The following KYAT3 variants were observed in gnomAD, a reference collection of about 807,000 sequenced individuals.
KYAT3 encodes the protein kynurenine aminotransferase 3, also known as kynurenine--oxoglutarate transaminase 3.
Under a neutral mutation model 59.0 loss-of-function variants are expected in KYAT3, and 50 were observed. The observed-to-expected ratio is 0.85, with a 90% CI of 0.68 to 1.07. The LOEUF (loss-of-function observed/expected upper bound fraction) is 1.07, where lower values mean the gene tolerates loss of function less well. Among genes scored for constraint, KYAT3 ranks in the 50% least tolerant of loss-of-function variants. The pLI is 0.00. For synonymous variants in KYAT3, 148 were observed against 177.0 expected, an observed-to-expected ratio of 0.84 and a Z score of 1.30; for missense variants, 497 against 533.3, an observed-to-expected ratio of 0.93 and a Z score of 0.67.
rs146441129 is a variant in KYAT3 at position 88,988,256 on chromosome 1, G to A, written c.95C>T (p.Ser32Phe). 6.2e-7 allele frequency: 1 copy of A among 1,609,192 alleles called. No individual in the cohort carries two copies. The highest frequency in any genetic ancestry group is 8.5e-7 in the Non-Finnish European group (1 of 1,175,762). Residue 32 changes from serine (S) to phenylalanine (F), a missense_variant, in exon 2 of 14, where the codon TCT becomes TTT. Physicochemically the swap from Ser to Phe is radical, Grantham distance 155. Transcript: ENST00000260508. Reference protein sequence around the residue: ...SSSKILGFSTSAKMSLKFTNA... With the variant: ...SSSKILGFSTFAKMSLKFTNA... The stretch of plus-strand genomic sequence containing the variant: ...CTGTAAGTAAGCAATACCTACAGCA[G>A]AAGTAGAGAATCCGAGGATTTTGGA...
At chr1:88,928,585 GC>G in the KYAT3 span, among the ~76,000 whole-genome samples, 1 of 152,284 alleles carries the variant, frequency 6.6e-6, no homozygotes, top group Middle Eastern at 3.4e-3. Flanking sequence ...TCACTGGAAG[GC>G]CCACTGCCCC....
At chr1:88,930,639 C>T in the KYAT3 span, among the ~76,000 whole-genome samples, 51 of 152,296 alleles carry the variant, frequency 3.3e-4, no homozygotes, top group Admixed American at 1.2e-3. Context: ...ATAGCCCTCA[C>T]TTGGGCACTA....
At chr1:88,965,144 C>T (rs892394856) in intron 4 of KYAT3, among the ~76,000 whole-genome samples, 166 bp from the exon 5 acceptor site, 15 of 152,006 alleles carry the variant, frequency 9.9e-5, no homozygotes, top group Non-Finnish European at 2.1e-4. Flanking sequence ...TTAAAATTTC[C>T]TACATTTAGA....
At chr1:88,944,210 C>T (rs1403294895) in intron 11 of KYAT3, among the ~76,000 whole-genome samples, 2 of 152,176 alleles carry the variant, frequency 1.3e-5, no homozygotes, top group Non-Finnish European at 2.9e-5. Context: ...CCTAAAGCAA[C>T]TAATATTGAT....
the KYAT3 span, among the ~76,000 whole-genome samples, chr1:88,930,470 G>A: frequency 2.0e-5 from 3 of 152,282 alleles, no homozygotes; most frequent in South Asian, 6.2e-4. Context: ...GGACCTTCTA[G>A]AGGTTCCCTT....
chr1:88,991,815 A>T (rs1677812606), intron 1 of KYAT3, among the ~76,000 whole-genome samples: 1 of 152,248 alleles, frequency 6.6e-6, no homozygotes, highest in Non-Finnish European at 1.5e-5. Context: ...CTGCAGCCCC[A>T]GTCCCCCTCA....
At chr1:88,936,485 G>A (rs1675042040) in intron 13 of KYAT3, among the ~76,000 whole-genome samples, 1 of 152,120 alleles carries the variant, frequency 6.6e-6, no homozygotes, top group Admixed American at 6.5e-5. Context: ...AATAATAGCT[G>A]TCTGCTCCAC....
intron 9 of KYAT3, among the ~76,000 whole-genome samples, chr1:88,953,939 G>A (rs931692529): frequency 1.4e-5 from 2 of 139,156 alleles, no homozygotes; most frequent in Admixed American, 1.5e-4. Flanking sequence ...TTTTGCTCTT[G>A]TTGCCCAGAC....
At chr1:88,975,732 C>A (rs1676760307) in intron 2 of KYAT3, among the ~76,000 whole-genome samples, 1 of 152,128 alleles carries the variant, frequency 6.6e-6, no homozygotes, top group Non-Finnish European at 1.5e-5. Context: ...TGACGGTAGT[C>A]CCATAAGACT....
At chr1:88,969,653 G>A (rs950168823) in intron 2 of KYAT3, among the ~76,000 whole-genome samples, 186 bp from the exon 3 acceptor site, 4 of 149,382 alleles carry the variant, frequency 2.7e-5, no homozygotes, top group Non-Finnish European at 4.4e-5. Flanking sequence ...CTGAAGGAAT[G>A]CCTTTTTTTT....
At chr1:88,943,317 T>A in intron 12 of KYAT3, 33 bp downstream of exon 12, 1 of 1,283,386 alleles carries the variant, frequency 7.8e-7, no homozygotes, top group Non-Finnish European at 1.1e-6. Context: ...CTATAAAATA[T>A]AACAGAATCT....
Position 88,955,197 on chromosome 1 carries a change from T to C in KYAT3, c.816A>G (p.Thr272=). ...IATFPGMWER[T]ITIGSAGKTF... is the part of the protein sequence containing the mutation. ...TCTTTCCAGCACTTCCTATTGTTAT[T>C]GTTCTCTCCCACATACCTGGAAAAG... The change falls in exon 9 of 14, where the codon ACA becomes ACG. Residue 272 remains threonine, a synonymous_variant. Transcript: ENST00000260508. 1 of 1,612,524 alleles carries C rather than the reference T, an allele frequency of 6.2e-7. No individual in the cohort carries two copies. Among genetic ancestry groups the C allele is most frequent in the South Asian group, 1.1e-5 (1 of 91,040 alleles).
At chr1:88,959,098 T>G (rs1676041279) in intron 8 of KYAT3, among the ~76,000 whole-genome samples, 1 of 151,934 alleles carries the variant, frequency 6.6e-6, no homozygotes, top group Admixed American at 6.6e-5. Context: ...AGCAACATAG[T>G]GAGATGCTAT....
intron 2 of KYAT3, chr1:88,981,579 A>G (rs1677093233): frequency 6.4e-6 from 1 of 156,920 alleles, no homozygotes; most frequent in South Asian, 2.0e-4. Flanking sequence ...GGCAAAATCT[A>G]TTGCCTGCAC....
chr1:88,921,508 C>T, the KYAT3 span, among the ~76,000 whole-genome samples: 1 of 152,118 alleles, frequency 6.6e-6, no homozygotes, highest in South Asian at 2.1e-4. Flanking sequence ...TTCATCATTG[C>T]TTACAGTGTG....
Position 88,988,326 on chromosome 1 carries a change from A to T in KYAT3, c.25T>A (p.Cys9Ser). 1 of 1,613,240 alleles carries T rather than the reference A, an allele frequency of 6.2e-7. No individual in the cohort carries two copies. The highest frequency in any genetic ancestry group is 8.5e-7 in the Non-Finnish European group (1 of 1,179,484). The change falls in exon 2 of 14, where the codon TGC (cysteine) becomes AGC (serine). Residue 9 changes from cysteine to serine, a missense_variant. By Grantham distance (112) the Cys-to-Ser change is moderately radical. This residue lies in a region of KYAT3 where 469 missense variants were observed against 479.1 expected (regional missense o/e 0.98). Coordinates refer to ENST00000260508, the MANE Select transcript of KYAT3 (RefSeq NM_001008661.3). ...AATTTTGCTCTACCGCTAAGAGAGCAGAGGCTCCTCTGGGCCAAAAACATG... is the reference window on the plus strand; with the variant it reads ...AATTTTGCTCTACCGCTAAGAGAGCTGAGGCTCCTCTGGGCCAAAAACATG... MFLAQRSL[C>S]SLSGRAKFLK...
intron 11 of KYAT3, among the ~76,000 whole-genome samples, chr1:88,943,857 CTGTT>C (rs1182517853): frequency 6.6e-6 from 1 of 152,194 alleles, no homozygotes; most frequent in African/African-American, 2.4e-5. Flanking sequence ...AGTAAAGTGT[CTGTT>C]TGGTAACCTA....
At position 88,976,885 on chromosome 1, in the gene KYAT3, T is replaced by A. The variant is rs182382115; in HGVS notation, c.100-7418A>T. On this transcript the variant is annotated intron_variant, in intron 2 of 13. Coordinates refer to ENST00000260508, the MANE Select transcript of KYAT3 (RefSeq NM_001008661.3). ...TTTATAGAATGACATAAAATATTTT[T>A]AAATATTTTGTATAGTTTGTGTGTT... 1.4e-3 allele frequency among the ~76,000 whole-genome samples: 211 copies of A among 152,356 alleles called. 1 individual carries two copies. Among genetic ancestry groups the A allele is most frequent in the African/African-American group, 4.8e-3 (199 of 41,590 alleles).
At position 88,970,913 on chromosome 1, in the gene KYAT3, A is replaced by C. The variant is rs540986979; in HGVS notation, c.100-1446T>G. On this transcript the variant is annotated intron_variant, in intron 2 of 13. Transcript: ENST00000260508. ...TCTAAATAATGGGACCAAGAAAAAT[A>C]CCTTTTTTAGTGTCATATTTTGTCT... Among the ~76,000 whole-genome samples, 15 of 152,310 alleles carry C rather than the reference A, an allele frequency of 9.8e-5. No homozygotes were observed. In the South Asian group the frequency reaches 3.1e-3, roughly 32 times the overall value.
Sources: allele counts gnomAD v4.1 joint callset (sites outside exome capture counted in the v4.1 genomes callset), GRCh38; gene constraint gnomAD v4.1.1; regional missense constraint gnomAD v4.1.1; transcripts MANE v1.5; gene names NCBI Gene and HGNC (gene_info 2026-07-23, HGNC 2026-07-21).